Variants in MCTP2 observed in about 807,000 individuals in gnomAD.
The protein encoded by MCTP2 is multiple C2 and transmembrane domain-containing protein 2.
MCTP2 carries 132 observed loss-of-function variants against 111.6 expected under a neutral mutation model. The observed-to-expected ratio is 1.18, with a 90% CI of 1.03 to 1.37. MCTP2 has a LOEUF of 1.37. Among genes scored for constraint, MCTP2 ranks in the 40% most tolerant of loss-of-function variants. The pLI is 0.00. For missense variants in MCTP2, 1,183 were observed against 1,067.9 expected, an observed-to-expected ratio of 1.11 and a Z score of -1.50; for synonymous variants, 395 against 387.7, an observed-to-expected ratio of 1.02 and a Z score of -0.22.
At chr15:94,327,766 TATC>T (rs1383677599) in intron 4 of MCTP2, among the ~76,000 whole-genome samples, 1 of 152,232 alleles carries the variant, frequency 6.6e-6, no homozygotes, top group Non-Finnish European at 1.5e-5. Flanking sequence ...ACTTGGTACA[TATC>T]ATCACCGGAC....
intron 2 of MCTP2, among the ~76,000 whole-genome samples, chr15:94,313,885 T>A (rs186102094): frequency 6.6e-6 from 1 of 152,192 alleles, no homozygotes; most frequent in African/African-American, 2.4e-5. Context: ...ACGGACATGC[T>A]CGATTCTCTG....
intron 19 of MCTP2, among the ~76,000 whole-genome samples, chr15:94,451,220 A>G (rs1166513587): frequency 6.6e-6 from 1 of 152,166 alleles, no homozygotes; most frequent in Non-Finnish European, 1.5e-5. Context: ...TTCATATGAT[A>G]TATATTTTTA....
At position 94,470,442 on chromosome 15, in the gene MCTP2, G is replaced by A. The variant is rs760814481; in HGVS notation, c.2470G>A (p.Gly824Ser). 12 of 1,595,062 alleles carry A rather than the reference G, an allele frequency of 7.5e-6. No homozygotes were observed. The South Asian group carries it at 1.3e-4, about 18-fold the overall frequency. ...IPLRYIILIWGINKFTKKLRN... is the reference protein window; with the variant it reads ...IPLRYIILIWSINKFTKKLRN... ...ACTGCGGTACATCATTTTAATCTGG[G>A]GTAAGTTTGGAATGGTCCTTTTGCT... The change falls in exon 21 of 23, where the codon GGC becomes AGC. Residue 824 changes from glycine (G) to serine (S), a missense_variant and splice_region_variant. Gly to Ser is a moderately conservative substitution (Grantham distance 56). Coordinates refer to ENST00000357742, the MANE Select transcript of MCTP2 (RefSeq NM_001385001.1).
In MCTP2 at chr15:94,266,080, G is replaced by GCACACA. The variant is rs58424468; in HGVS notation, c.-65-32111_-65-32106dup. Among the ~76,000 whole-genome samples the GCACACA allele has an allele frequency of 3.9e-3, 597 of 151,638 alleles. 3 individuals carry two copies. Among genetic ancestry groups the GCACACA allele is most frequent in the African/African-American group, 9.8e-3 (406 of 41,412 alleles). ...CACATACACGTGCATGCGTGTGCGC[G>GCACACA]CACACACACACACACGTGCTCTACA... On this transcript the variant is annotated intron_variant, in intron 1 of 22. Coordinates refer to ENST00000357742, the MANE Select transcript of MCTP2 (RefSeq NM_001385001.1).
intron 1 of MCTP2, among the ~76,000 whole-genome samples, chr15:94,297,145 C>G (rs1304997062): frequency 6.6e-6 from 1 of 152,166 alleles, no homozygotes; most frequent in African/African-American, 2.4e-5. Context: ...CCATCCTGTT[C>G]TTTTTCATAC....
At chr15:94,383,210 C>T (rs532627171) in intron 12 of MCTP2, among the ~76,000 whole-genome samples, 1 of 152,266 alleles carries the variant, frequency 6.6e-6, no homozygotes, top group East Asian at 1.9e-4. Context: ...AGCTTAACTC[C>T]TAAAGAGCCA....
intron 17 of MCTP2, among the ~76,000 whole-genome samples, chr15:94,426,910 T>A (rs1352538386): frequency 6.6e-6 from 1 of 152,094 alleles, no homozygotes; most frequent in African/African-American, 2.4e-5. Context: ...TAGCCCTTTT[T>A]GGATTCTCAA....
chr15:94,296,218 C>G (rs939470523), intron 1 of MCTP2, among the ~76,000 whole-genome samples: 2 of 152,104 alleles, frequency 1.3e-5, no homozygotes, highest in Non-Finnish European at 2.9e-5. Context: ...GAAGCAATGC[C>G]TTTTATCGTA....
At chr15:94,257,566 G>GTTTTTTTTTTTTTTTTTTTT (rs1220635423) in intron 1 of MCTP2, among the ~76,000 whole-genome samples, 5 of 73,006 alleles carry the variant, frequency 6.8e-5, no homozygotes, top group East Asian at 5.3e-4. Context: ...CATTTTCTTT[G>GTTTTTTTTTTTTTTTTTTTT]TTGTTTTTTT....
chr15:94,300,328 T>C (rs928727792), intron 2 of MCTP2, among the ~76,000 whole-genome samples: 1 of 151,846 alleles, frequency 6.6e-6, no homozygotes, highest in Non-Finnish European at 1.5e-5. Context: ...GCTAACACGG[T>C]GAAACCCCAT....
At chr15:94,420,168 A>G (rs2082557220) in intron 17 of MCTP2, among the ~76,000 whole-genome samples, 1 of 152,168 alleles carries the variant, frequency 6.6e-6, no homozygotes, top group South Asian at 2.1e-4. Flanking sequence ...AGCATCATTT[A>G]CTGAATATTT....
intron 20 of MCTP2, among the ~76,000 whole-genome samples, chr15:94,460,675 A>G (rs1417067966): frequency 1.3e-5 from 2 of 152,228 alleles, no homozygotes; most frequent in Admixed American, 6.5e-5. Flanking sequence ...AGAGTGATTT[A>G]AACAGGCTCC....
intron 1 of MCTP2, among the ~76,000 whole-genome samples, chr15:94,254,797 G>T (rs1190240895): frequency 1.3e-5 from 2 of 152,182 alleles, no homozygotes; most frequent in African/African-American, 4.8e-5. Context: ...GCATTAATTT[G>T]TCATTGATTA....
intron 20 of MCTP2, among the ~76,000 whole-genome samples, chr15:94,468,595 A>ATATTTTACCTCATAAT (rs2073622677): frequency 2.0e-5 from 3 of 152,158 alleles, no homozygotes; most frequent in Non-Finnish European, 4.4e-5. Flanking sequence ...TATATATATA[A>ATATTTTACCTCATAAT]TATTTTACCT....
chr15:94,405,352 A>G (rs16949101), intron 17 of MCTP2, among the ~76,000 whole-genome samples: 1,541 of 152,340 alleles, frequency 0.01, 31 homozygotes, highest in African/African-American at 0.035. Context: ...CTCAATGTCA[A>G]TTTTAAGACT....
intron 1 of MCTP2, among the ~76,000 whole-genome samples, chr15:94,232,532 T>A (rs1231881023): frequency 1.3e-5 from 2 of 152,236 alleles, no homozygotes; most frequent in African/African-American, 4.8e-5. Context: ...TACATTAGCA[T>A]TCATTTTTTG....
intron 20 of MCTP2, among the ~76,000 whole-genome samples, chr15:94,469,620 C>G (rs2073736657): frequency 6.6e-6 from 1 of 152,168 alleles, no homozygotes; most frequent in South Asian, 2.1e-4. Context: ...ATAATCCCAG[C>G]ACTTTGGGAG....
intron 1 of MCTP2, among the ~76,000 whole-genome samples, chr15:94,259,174 C>T (rs1036392944): frequency 2.0e-5 from 3 of 152,122 alleles, no homozygotes; most frequent in Non-Finnish European, 4.4e-5. Context: ...GATTGCAGGA[C>T]CTGAATAAAA....
At chr15:94,328,131 C>CT (rs61495849) in intron 4 of MCTP2, among the ~76,000 whole-genome samples, 64,851 of 138,716 alleles carry the variant, frequency 0.47, 15,993 homozygotes, top group African/African-American at 0.64. Context: ...TATTTCTTTT[C>CT]TTTTTTTTTT....
Sources: allele counts gnomAD v4.1 joint callset (sites outside exome capture counted in the v4.1 genomes callset), GRCh38; gene constraint gnomAD v4.1.1; transcripts MANE v1.5; gene names NCBI Gene and HGNC (gene_info 2026-07-23, HGNC 2026-07-21).